Variants in GPHN observed in about 807,000 individuals in gnomAD.
GPHN encodes the protein gephyrin.
In GPHN, 17 loss-of-function variants were observed where a neutral mutation model predicts 95.5. That is an observed-to-expected ratio of 0.18 (90% CI 0.12 to 0.27). The LOEUF is 0.27. Ranked by LOEUF, GPHN falls within the 10% of genes least tolerant of loss-of-function variation. The pLI is 1.00. For missense variants in GPHN, 660 were observed against 978.1 expected, an observed-to-expected ratio of 0.67 and a Z score of 4.34; for synonymous variants, 320 against 322.5, an observed-to-expected ratio of 0.99 and a Z score of 0.08.
At chr14:66,772,379 C>G (rs780533030) in intron 2 of GPHN, among the ~76,000 whole-genome samples, 1 of 152,210 alleles carries the variant, frequency 6.6e-6, no homozygotes, top group Admixed American at 6.5e-5. Flanking sequence ...ATTTTGGACT[C>G]ATGACTTTCA....
the GPHN span, among the ~76,000 whole-genome samples, chr14:67,566,799 T>C: frequency 6.7e-6 from 1 of 148,704 alleles, no homozygotes; most frequent in Non-Finnish European, 1.5e-5. Flanking sequence ...AGGTTAAGTG[T>C]ATGTGTGTGA....
chr14:67,194,844 G>A, the GPHN span, among the ~76,000 whole-genome samples: 1 of 152,132 alleles, frequency 6.6e-6, no homozygotes, highest in Non-Finnish European at 1.5e-5. Context: ...TTTCAGTAGA[G>A]TCAGGGTTTC....
At chr14:66,829,082 CT>C (rs1169056047) in intron 4 of GPHN, among the ~76,000 whole-genome samples, 1,231 of 80,130 alleles carry the variant, frequency 0.015, no homozygotes, top group African/African-American at 0.035. Flanking sequence ...GATTGCTTGC[CT>C]TTTTTTTTTT....
intron 8 of GPHN, among the ~76,000 whole-genome samples, chr14:66,955,356 C>G (rs2068417599): frequency 6.6e-6 from 1 of 151,982 alleles, no homozygotes; most frequent in Non-Finnish European, 1.5e-5. Context: ...AAATATTTAT[C>G]TGTTTTATCT....
At chr14:66,573,466 T>C (rs529298490) in intron 1 of GPHN, among the ~76,000 whole-genome samples, 1,989 of 151,622 alleles carry the variant, frequency 0.013, 18 homozygotes, top group Middle Eastern at 0.02. Flanking sequence ...TTTTTTTTTT[T>C]TTCTGAGACG....
rs1594761183 is a variant in GPHN, at chr14:66,508,347, G to A, written c.-181G>A. The A allele has an allele frequency of 3.1e-6, 2 of 642,344 alleles. No individual in the cohort carries two copies. The highest frequency in any genetic ancestry group is 2.7e-5 in the East Asian group (1 of 36,474). The allele number at this position is 642,344 out of a possible 1,614,324, so 39.8% of individuals were successfully genotyped here. ...TCCCGCGGACCCGCGCACTCCCGGC[G>A]CGGCCTCTCCCCCACGCAGGCCACC... On this transcript the variant is annotated 5_prime_UTR_variant, in exon 1 of 23. Coordinates refer to ENST00000478722, the MANE Select transcript of GPHN (RefSeq NM_020806.5).
Position 67,064,433 on chromosome 14 carries a change from T to G in GPHN, c.1144+5647T>G, listed in dbSNP as rs183175294. ...TCTCTGCCAGGTTTTGGTATCAAGA[T>G]GATGCTAGCCTCATAAAATGAGTTA... is the stretch of plus-strand genomic sequence containing the variant. On this transcript the variant is annotated intron_variant, in intron 11 of 22. Coordinates refer to ENST00000478722, the MANE Select transcript of GPHN (RefSeq NM_020806.5). 3.9e-3 allele frequency among the ~76,000 whole-genome samples: 594 copies of G among 152,328 alleles called. 4 individuals carry two copies. The highest frequency in any genetic ancestry group is 6.7e-3 in the Admixed American group (103 of 15,306).
At chr14:66,673,756 T>C (rs935173886) in intron 1 of GPHN, among the ~76,000 whole-genome samples, 3 of 152,218 alleles carry the variant, frequency 2.0e-5, no homozygotes, top group Non-Finnish European at 4.4e-5. Flanking sequence ...AGAAATTCTT[T>C]TAACATTTCT....
chr14:67,465,720 G>C, the GPHN span, among the ~76,000 whole-genome samples: 1 of 152,192 alleles, frequency 6.6e-6, no homozygotes. Flanking sequence ...ATGTAGCCAC[G>C]TCCAAGCCCC....
the GPHN span, among the ~76,000 whole-genome samples, chr14:67,304,255 A>C: frequency 6.6e-6 from 1 of 152,216 alleles, no homozygotes; most frequent in Non-Finnish European, 1.5e-5. Context: ...GTTAAAAGTC[A>C]GTCTCCATTA....
chr14:67,579,745 A>C, the GPHN span: 9 of 1,612,796 alleles, frequency 5.6e-6, no homozygotes, highest in Middle Eastern at 3.3e-4. Context: ...CGGCTCTTCC[A>C]CGGTTGATGA....
chr14:67,678,089 T>C, the GPHN span: 2 of 450,978 alleles, frequency 4.4e-6, no homozygotes, highest in Admixed American at 3.6e-5. Context: ...TATCCTATTA[T>C]GATATCTCTA....
intron 2 of GPHN, among the ~76,000 whole-genome samples, chr14:66,768,839 A>AT (rs1294228916): frequency 1.3e-5 from 2 of 152,052 alleles, no homozygotes; most frequent in Non-Finnish European, 2.9e-5. Context: ...TGAAGGATGC[A>AT]TTAAGGGAAT....
chr14:66,809,277 A>G (rs1042098911), intron 3 of GPHN, among the ~76,000 whole-genome samples: 4 of 152,182 alleles, frequency 2.6e-5, no homozygotes, highest in Admixed American at 2.6e-4. Context: ...CTGGGGGTAT[A>G]TCACAGTGGT....
intron 18 of GPHN, 27 bp downstream of exon 18, chr14:67,143,476 G>T: frequency 7.7e-7 from 1 of 1,290,812 alleles, no homozygotes; most frequent in Non-Finnish European, 1.1e-6. Context: ...TCGTGAAAAT[G>T]TATCTGCTGT....
intron 4 of GPHN, among the ~76,000 whole-genome samples, chr14:66,871,304 C>A (rs148659205): frequency 6.6e-6 from 1 of 152,268 alleles, no homozygotes; most frequent in South Asian, 2.1e-4. Context: ...CCCTTCATGT[C>A]CCTGAATAAA....
At chr14:66,659,641 G>A (rs1039734110) in intron 1 of GPHN, among the ~76,000 whole-genome samples, 6 of 151,862 alleles carry the variant, frequency 4.0e-5, no homozygotes, top group Admixed American at 2.0e-4. Flanking sequence ...TTGTCTTCCC[G>A]ATGGATTAAT....
chr14:67,043,591 G>A (rs564555526), intron 10 of GPHN, among the ~76,000 whole-genome samples: 7 of 152,298 alleles, frequency 4.6e-5, no homozygotes, highest in Non-Finnish European at 1.0e-4. Context: ...CTTGATCATG[G>A]TGGATAAGAT....
At chr14:67,257,641 C>T in the GPHN span, among the ~76,000 whole-genome samples, 1 of 151,564 alleles carries the variant, frequency 6.6e-6, no homozygotes, top group African/African-American at 2.4e-5. Context: ...AGAACATACA[C>T]ACGTATTTTA....
Sources: allele counts gnomAD v4.1 joint callset (sites outside exome capture counted in the v4.1 genomes callset), GRCh38; gene constraint gnomAD v4.1.1; transcripts MANE v1.5; gene names NCBI Gene and HGNC (gene_info 2026-07-23, HGNC 2026-07-21).